EFL1: variants seen among roughly 807,000 people sequenced by gnomAD.
EFL1 encodes elongation factor-like GTPase 1.
Under a neutral mutation model 126.7 loss-of-function variants are expected in EFL1, and 76 were observed. The observed-to-expected ratio is 0.60, with a 90% CI of 0.50 to 0.73. The LOEUF is 0.73. EFL1 is among the 30% of genes least tolerant of loss of function. The probability of loss-of-function intolerance (pLI) is 0.00; values close to 1 mark genes in which losing one functional copy is unlikely to be tolerated. For missense variants in EFL1, 1,128 were observed against 1,343.2 expected (o/e 0.84, Z 2.50); for synonymous variants, 410 against 448.4 (o/e 0.91, Z 1.08).
intron 7 of EFL1, among the ~76,000 whole-genome samples, 160 bp from the exon 8 acceptor site, chr15:82,231,131 CA>C (rs1199311069): frequency 6.6e-6 from 1 of 152,134 alleles, no homozygotes; most frequent in Non-Finnish European, 1.5e-5. Context: ...AGAGATATCA[CA>C]CAGGGAACAA....
At chr15:82,146,722 A>AATGGTAGAGACTGCATACCAACCCACAT (rs2073850469) in intron 18 of EFL1, among the ~76,000 whole-genome samples, 1 of 152,094 alleles carries the variant, frequency 6.6e-6, no homozygotes, top group Non-Finnish European at 1.5e-5. Context: ...GACCAGTGAC[A>AATGGTAGAGACTGCATACCAACCCACAT]ATGGTAGAGA....
chr15:82,207,419 C>T (rs1352192361), intron 15 of EFL1, among the ~76,000 whole-genome samples: 1 of 151,594 alleles, frequency 6.6e-6, no homozygotes, highest in Non-Finnish European at 1.5e-5. Flanking sequence ...CTGAAAGTTG[C>T]AGCAAATGCA....
At chr15:82,167,472 T>C (rs2074091652) in intron 15 of EFL1, among the ~76,000 whole-genome samples, 1 of 152,188 alleles carries the variant, frequency 6.6e-6, no homozygotes, top group African/African-American at 2.4e-5. Flanking sequence ...GTCCCAAATG[T>C]TTCCCTTTAA....
At chr15:82,205,789 T>C (rs2074518399) in intron 15 of EFL1, among the ~76,000 whole-genome samples, 1 of 152,230 alleles carries the variant, frequency 6.6e-6, no homozygotes, top group Non-Finnish European at 1.5e-5. Context: ...TTATACAATA[T>C]CTATGGCAGC....
chr15:82,193,736 T>C (rs2074382427), intron 15 of EFL1, among the ~76,000 whole-genome samples: 2 of 152,126 alleles, frequency 1.3e-5, no homozygotes, highest in African/African-American at 2.4e-5. Flanking sequence ...CACCTAGCTT[T>C]CTATTATATG....
chr15:82,244,178 T>C (rs143769414), intron 4 of EFL1, among the ~76,000 whole-genome samples: 1 of 152,106 alleles, frequency 6.6e-6, no homozygotes, highest in Non-Finnish European at 1.5e-5. Flanking sequence ...ATTTCAAAGG[T>C]TGGGGACAGA....
intron 19 of EFL1, among the ~76,000 whole-genome samples, chr15:82,132,858 C>G (rs2073673263): frequency 6.6e-6 from 1 of 152,058 alleles, no homozygotes; most frequent in African/African-American, 2.4e-5. Flanking sequence ...ACAACAGTCC[C>G]AGAGACTCAA....
At chr15:82,200,123 A>G (rs1279017237) in intron 15 of EFL1, among the ~76,000 whole-genome samples, 1 of 152,184 alleles carries the variant, frequency 6.6e-6, no homozygotes, top group Admixed American at 6.5e-5. Flanking sequence ...CACAACACCT[A>G]TGCATCGGGA....
chr15:82,232,219 C>T (rs1166932826), intron 7 of EFL1, among the ~76,000 whole-genome samples: 1 of 152,156 alleles, frequency 6.6e-6, no homozygotes, highest in Non-Finnish European at 1.5e-5. Context: ...TAGTGATGCT[C>T]CCTGGGGCCT....
chr15:82,221,703 T>C (rs2074713931), intron 12 of EFL1, among the ~76,000 whole-genome samples: 1 of 152,186 alleles, frequency 6.6e-6, no homozygotes, highest in African/African-American at 2.4e-5. Flanking sequence ...CTTGGTCAGG[T>C]GTCTTGTTAG....
intron 15 of EFL1, among the ~76,000 whole-genome samples, chr15:82,213,550 C>A (rs1289333145): frequency 2.0e-5 from 3 of 152,306 alleles, no homozygotes; most frequent in Middle Eastern, 3.4e-3. Context: ...AGAACACAAG[C>A]ACCAGGCCTT....
In EFL1 at chr15:82,199,567, G is replaced by C. The variant is rs532704442; in HGVS notation, c.1750+15150C>G. On this transcript the variant is annotated intron_variant, in intron 15 of 19. Coordinates refer to ENST00000268206, the MANE Select transcript of EFL1 (RefSeq NM_024580.6). Reference sequence around the variant, plus strand: ...TTTAACTGTTTCAAATCATTTATTTGGTAATAATAAAGAAACCAGAACAAC... The same window carrying C: ...TTTAACTGTTTCAAATCATTTATTTCGTAATAATAAAGAAACCAGAACAAC... Among the ~76,000 whole-genome samples, 183 of 152,284 alleles carry C rather than the reference G, an allele frequency of 1.2e-3. 3 individuals are homozygous for C. The South Asian group carries it at 0.036, about 30-fold the overall frequency.
chr15:82,242,048 G>T (rs1163935852), intron 4 of EFL1, among the ~76,000 whole-genome samples: 3 of 151,994 alleles, frequency 2.0e-5, no homozygotes, highest in Non-Finnish European at 2.9e-5. Flanking sequence ...GTTTTAGCAC[G>T]GAAATTCCCA....
At chr15:82,173,116 C>A (rs894829756) in intron 15 of EFL1, among the ~76,000 whole-genome samples, 2 of 151,918 alleles carry the variant, frequency 1.3e-5, no homozygotes, top group East Asian at 3.9e-4. Context: ...AGCAAAAAAT[C>A]GAAAGCACCC....
intron 15 of EFL1, among the ~76,000 whole-genome samples, chr15:82,197,947 A>G (rs995784318): frequency 1.3e-5 from 2 of 152,130 alleles, no homozygotes; most frequent in Non-Finnish European, 2.9e-5. Context: ...AGGCAGGGGG[A>G]TATAGTCTAT....
intron 4 of EFL1, among the ~76,000 whole-genome samples, chr15:82,251,719 C>T (rs1254907125): frequency 3.3e-5 from 5 of 152,148 alleles, no homozygotes; most frequent in African/African-American, 1.2e-4. Flanking sequence ...TTTGGTACAA[C>T]AGCCATGCCC....
intron 17 of EFL1, among the ~76,000 whole-genome samples, chr15:82,157,093 T>C (rs1026038361): frequency 6.6e-6 from 1 of 152,228 alleles, no homozygotes; most frequent in East Asian, 1.9e-4. Flanking sequence ...ACTGTGTATA[T>C]AGATATTTGT....
At chr15:82,134,733 C>A (rs998011936) in intron 19 of EFL1, among the ~76,000 whole-genome samples, 1 of 152,226 alleles carries the variant, frequency 6.6e-6, no homozygotes, top group African/African-American at 2.4e-5. Flanking sequence ...CATACATGTA[C>A]AACAGCACTG....
chr15:82,189,732 A>AACAC (rs201256115), intron 15 of EFL1, among the ~76,000 whole-genome samples: 1 of 151,670 alleles, frequency 6.6e-6, no homozygotes, highest in Non-Finnish European at 1.5e-5. Flanking sequence ...TCCCAGTATA[A>AACAC]ACACACACAC....
Sources: gnomAD v4.1 joint callset for allele counts (sites outside exome capture counted in the v4.1 genomes callset) on GRCh38, gnomAD v4.1.1 for gene constraint, MANE v1.5 for transcripts, NCBI Gene and HGNC (gene_info 2026-07-23, HGNC 2026-07-21) for gene names.